The following PCNX2 variants were observed in gnomAD, a reference collection of about 807,000 sequenced individuals.
PCNX2 encodes pecanex 2, also known as pecanex-like protein 2.
PCNX2 carries 168 observed loss-of-function variants against 223.8 expected under a neutral mutation model. That is an observed-to-expected ratio of 0.75 (90% CI 0.66 to 0.85). PCNX2 has a LOEUF of 0.85. Ranked by LOEUF, PCNX2 falls within the 40% of genes least tolerant of loss-of-function variation. PCNX2 has a pLI of 0.00. For missense variants in PCNX2, 2,507 were observed against 2,675.5 expected (o/e 0.94, Z 1.39); for synonymous variants, 1,006 against 1,052.6 (o/e 0.96, Z 0.86).
intron 13 of PCNX2, among the ~76,000 whole-genome samples, chr1:233,205,655 C>G (rs773245335): frequency 6.6e-6 from 1 of 151,888 alleles, no homozygotes; most frequent in Non-Finnish European, 1.5e-5. Flanking sequence ...TAGATCGTGC[C>G]TCTGCACTCT....
Position 232,999,381 on chromosome 1 carries a change from T to C in PCNX2, c.5329-2A>G, listed in dbSNP as rs1182810154. The C allele has an allele frequency of 6.3e-7, 1 of 1,588,792 alleles. No individual in the cohort carries two copies. The highest frequency in any genetic ancestry group is 1.8e-5 in the Admixed American group (1 of 56,278). On this transcript the variant is annotated splice_acceptor_variant, in intron 30 of 33. Transcript: ENST00000258229. LOFTEE classifies it high-confidence loss of function. ...TCCTCGGACGCATTCTTTGTTAACC[T>C]GCAGGTCAGAGAGGGAACGGGAAGA...
rs995581907 is a variant in PCNX2 at position 233,121,676 on chromosome 1, T to C, written c.3837+13337A>G. The stretch of plus-strand genomic sequence containing the variant: ...AACAGTTAACTAAATGGATGACAGA[T>C]GGTAGAAGCTAAGTTTCTCACTATT... On this transcript the variant is annotated intron_variant, in intron 21 of 33. Transcript: ENST00000258229. 3.3e-5 allele frequency among the ~76,000 whole-genome samples: 5 copies of C among 152,154 alleles called. No homozygotes were observed. The South Asian group carries it at 6.2e-4, about 19-fold the overall frequency.
At chr1:233,074,456 G>A (rs187822529) in intron 23 of PCNX2, among the ~76,000 whole-genome samples, 4,839 of 151,180 alleles carry the variant, frequency 0.032, 125 homozygotes, top group Non-Finnish European at 0.053. Flanking sequence ...TTAGCTGGGC[G>A]TAGTGGCGGG....
intron 23 of PCNX2, among the ~76,000 whole-genome samples, chr1:233,062,827 T>G (rs1430475429): frequency 6.6e-6 from 1 of 152,184 alleles, no homozygotes; most frequent in Non-Finnish European, 1.5e-5. Flanking sequence ...TTCTACAGAA[T>G]CAGAAATAAT....
At chr1:233,072,827 G>C (rs1276744724) in intron 23 of PCNX2, among the ~76,000 whole-genome samples, 1 of 152,068 alleles carries the variant, frequency 6.6e-6, no homozygotes, top group Non-Finnish European at 1.5e-5. Flanking sequence ...AAGAAAAATT[G>C]GTCTGAATTT....
At chr1:232,989,840 G>T (rs1227357728) in intron 32 of PCNX2, among the ~76,000 whole-genome samples, 2 of 152,208 alleles carry the variant, frequency 1.3e-5, no homozygotes, top group African/African-American at 4.8e-5. Flanking sequence ...TTGACTAGAG[G>T]CTGAGACCCA....
intron 9 of PCNX2, among the ~76,000 whole-genome samples, chr1:233,234,373 C>G (rs997340841): frequency 3.3e-5 from 5 of 152,098 alleles, no homozygotes; most frequent in African/African-American, 1.2e-4. Flanking sequence ...CTTCGTTTTT[C>G]CTCCTCCATA....
intron 21 of PCNX2, among the ~76,000 whole-genome samples, chr1:233,127,819 G>T (rs1676189029): frequency 6.6e-6 from 1 of 152,176 alleles, no homozygotes; most frequent in Admixed American, 6.5e-5. Flanking sequence ...CAAACATTTG[G>T]TATCATTTGT....
At chr1:233,047,158 A>C (rs2102866485) in intron 25 of PCNX2, among the ~76,000 whole-genome samples, 1 of 152,320 alleles carries the variant, frequency 6.6e-6, no homozygotes, top group Middle Eastern at 3.4e-3. Context: ...CAAGTGGCCC[A>C]GGTGACAGCA....
At position 233,006,747 on chromosome 1, in the gene PCNX2, T is replaced by C. The variant is rs1038131038; in HGVS notation, c.4953-5066A>G. Among the ~76,000 whole-genome samples the C allele has an allele frequency of 7.9e-5, 12 of 152,356 alleles. No homozygotes were observed. In the East Asian group the frequency reaches 2.3e-3, roughly 29 times the overall value. On this transcript the variant is annotated intron_variant, in intron 28 of 33. Coordinates refer to ENST00000258229, the MANE Select transcript of PCNX2 (RefSeq NM_014801.4). Reference sequence around the variant, plus strand: ...ACAGGCCTGTACATACTATGTTATTTACAGATTAGCATTGTGAAGCGCCTT... The same window carrying C: ...ACAGGCCTGTACATACTATGTTATTCACAGATTAGCATTGTGAAGCGCCTT...
chr1:233,035,663 T>C (rs959421867), intron 25 of PCNX2, among the ~76,000 whole-genome samples: 4 of 152,232 alleles, frequency 2.6e-5, no homozygotes, highest in Non-Finnish European at 2.9e-5. Context: ...ATGGGACTTA[T>C]AGGCACAAAC....
At chr1:233,277,142 C>A (rs547614603) in intron 1 of PCNX2, among the ~76,000 whole-genome samples, 2 of 152,080 alleles carry the variant, frequency 1.3e-5, no homozygotes, top group African/African-American at 4.8e-5. Context: ...CAGCTGACTG[C>A]CTGGGTGGGA....
At chr1:233,112,717 T>TCGCCGTCTC in intron 21 of PCNX2, 1 of 684,118 alleles carries the variant, frequency 1.5e-6, no homozygotes, top group Non-Finnish European at 1.9e-6. Context: ...CTTTGAACAA[T>TCGCCGTCTC]ATAACTAAAT....
intron 25 of PCNX2, among the ~76,000 whole-genome samples, chr1:233,030,072 A>G (rs986758359): frequency 4.6e-5 from 7 of 152,154 alleles, no homozygotes; most frequent in Non-Finnish European, 1.0e-4. Flanking sequence ...AATTACACAT[A>G]TGTTAAAATA....
At position 233,259,374 on chromosome 1, in the gene PCNX2, A is replaced by C. The variant is rs766632447; in HGVS notation, c.518-30T>G. 1.7e-5 allele frequency: 27 copies of C among 1,560,684 alleles called. No individual in the cohort carries two copies. In the Admixed American group the frequency reaches 5.0e-4, roughly 29 times the overall value. On this transcript the variant is annotated intron_variant, in intron 4 of 33. Transcript: ENST00000258229. ...AATGACACATGGCAACTTTATTAGC[A>C]TCAGAAATGAATGAGTAATGCCCAA...
At chr1:233,122,837 T>A (rs1407971551) in intron 21 of PCNX2, among the ~76,000 whole-genome samples, 1 of 152,118 alleles carries the variant, frequency 6.6e-6, no homozygotes, top group African/African-American at 2.4e-5. Flanking sequence ...ATCTTTGATA[T>A]AATGTGATGA....
At chr1:233,128,077 C>T (rs1423143212) in intron 21 of PCNX2, among the ~76,000 whole-genome samples, 3 of 152,172 alleles carry the variant, frequency 2.0e-5, no homozygotes, top group Non-Finnish European at 4.4e-5. Flanking sequence ...TAGTCCATGA[C>T]AAAGCCACAC....
chr1:233,045,577 A>G (rs1426923545), intron 25 of PCNX2, among the ~76,000 whole-genome samples: 1 of 152,168 alleles, frequency 6.6e-6, no homozygotes, highest in Non-Finnish European at 1.5e-5. Flanking sequence ...ATAGGCAGTC[A>G]CCACCTCCCA....
rs778944738 is a variant in PCNX2, at chr1:233,252,478, T to A, written c.2004A>T (p.Arg668Ser). Residue 668 changes from arginine (R) to serine (S), a missense_variant, in exon 7 of 34, where the codon AGA (arginine) becomes AGT (serine). Arg to Ser is a moderately radical substitution (Grantham distance 110). Around this residue, in one of 3 missense-constraint regions of PCNX2, gnomAD observed 1,031 missense variants for 1,021.7 expected, o/e 1.01. Transcript: ENST00000258229. ...GGGAAGTTACCCTGTAGATTATCTG[T>A]CTTTGTCTATTGCCCTGAAAACTTA... ...TTAFFQGNRQ[R>S]QIIYRVTSQQ... 1 of 1,611,554 alleles carries A rather than the reference T, an allele frequency of 6.2e-7. No individual in the cohort carries two copies. Among genetic ancestry groups the A allele is most frequent in the South Asian group, 1.1e-5 (1 of 90,692 alleles).
Sources: allele counts gnomAD v4.1 joint callset (sites outside exome capture counted in the v4.1 genomes callset), GRCh38; gene constraint gnomAD v4.1.1; regional missense constraint gnomAD v4.1.1; transcripts MANE v1.5; gene names NCBI Gene and HGNC (gene_info 2026-07-23, HGNC 2026-07-21).